Variants in PCSK7 observed in about 807,000 individuals in gnomAD.
PCSK7 encodes the protein lymphoma proprotein convertase.
A neutral mutation model predicts 73.3 loss-of-function variants in PCSK7; 38 were observed. The ratio of observed to expected loss-of-function variants is 0.52; its 90% CI spans 0.40 to 0.68. PCSK7 has a LOEUF of 0.68. PCSK7 is among the 30% of genes least tolerant of loss of function. The pLI, the probability that PCSK7 is intolerant of heterozygous loss-of-function variation, is 0.00. For missense variants in PCSK7, 692 were observed against 991.5 expected (o/e 0.70, Z 4.06); for synonymous variants, 296 against 383.8 (o/e 0.77, Z 2.68).
At chr11:117,215,370 G>GTATATA (rs2031922327) in intron 12 of PCSK7, 2 of 84,594 alleles carry the variant, frequency 2.4e-5, no homozygotes, top group South Asian at 6.5e-4. Flanking sequence ...TAATTTGTGT[G>GTATATA]TGTGTGTGTG....
rs2032416275 is a variant in PCSK7 at position 117,226,130 on chromosome 11, T to C, written c.770-109A>G. ...GACTTATTTTTCCCTACATGCTCTT[T>C]GTACATTTTGCTTTTTTTTTTTTTT... On this transcript the variant is annotated intron_variant, in intron 5 of 16. Transcript: ENST00000320934. 4.4e-6 allele frequency: 3 copies of C among 681,890 alleles called. No homozygotes were observed. In the East Asian group the frequency reaches 7.7e-5, roughly 17 times the overall value. The allele number at this position is 681,890 out of a possible 1,614,324, so 42.2% of individuals were successfully genotyped here. A position where few individuals can be genotyped will look rare whatever the true frequency, so the allele number is the denominator to read the frequency against.
In PCSK7 at chr11:117,223,228, C is replaced by T; in HGVS notation, c.1135G>A (p.Asp379Asn). 1.2e-6 allele frequency: 2 copies of T among 1,612,348 alleles called. No individual in the cohort carries two copies. Among genetic ancestry groups the T allele is most frequent in the South Asian group, 2.2e-5 (2 of 91,024 alleles). ...SMLAVTFSGG[D>N]KMLRSIVTTD... ...CTCACAATGCTCCGAAGCATCTTGT[C>T]CCCACCACTGAAGGTGACTGCCAGC... Residue 379 changes from aspartate to asparagine, a missense_variant, in exon 9 of 17, where the codon GAC becomes AAC. By Grantham distance (23) the Asp-to-Asn change is conservative (BLOSUM62 1). Coordinates refer to ENST00000320934, the MANE Select transcript of PCSK7 (RefSeq NM_004716.4).
chr11:117,206,924 CTG>C (rs1393214117), intron 15 of PCSK7, 126 bp from the exon 16 acceptor site: 2 of 951,348 alleles, frequency 2.1e-6, no homozygotes, highest in South Asian at 1.3e-5. Context: ...GAGGCCCAGA[CTG>C]TGAGTTCCCA....
chr11:117,218,241 T>C lies in PCSK7; in HGVS notation c.1534+225A>G. 1 of 172,796 alleles carries C rather than the reference T, an allele frequency of 5.8e-6. No individual in the cohort carries two copies. The highest frequency in any genetic ancestry group is 1.2e-5 in the Non-Finnish European group (1 of 81,128). 10.7% of individuals were successfully genotyped at this position (172,796 alleles called of 1,614,324 possible). The stretch of plus-strand genomic sequence containing the variant: ...TCCTCCTCAGTTGCTCTGCTGCTCC[T>C]TTTCACTACTAGGAACCCAGGAGAA... On this transcript the variant is annotated intron_variant, in intron 12 of 16. Coordinates refer to ENST00000320934, the MANE Select transcript of PCSK7 (RefSeq NM_004716.4). The surrounding 1 kb of genome is among the most constrained non-coding windows in gnomAD (Gnocchi z 4.0).
intron 7 of PCSK7, 134 bp downstream of exon 7, chr11:117,224,567 C>A: frequency 2.5e-6 from 2 of 786,860 alleles, no homozygotes; most frequent in Non-Finnish European, 2.3e-6. Context: ...CCTGCCCCGA[C>A]GTTAGGTGTT....
chr11:117,211,607 C>T lies in PCSK7; in HGVS notation c.1535-2554G>A, dbSNP rs976066772. The T allele has an allele frequency of 3.4e-4, 52 of 152,240 alleles. 1 individual carries two copies. The allele number at this position is 152,240 out of a possible 1,614,324, so 9.4% of individuals were successfully genotyped here. A position where few individuals can be genotyped will look rare whatever the true frequency, so the allele number is the denominator to read the frequency against. The stretch of plus-strand genomic sequence containing the variant: ...ATGTGTGTTTACATTCTCAAGCTCC[C>T]TTCACTTTCTTGTCCTTTCACAGCA... On this transcript the variant is annotated intron_variant, in intron 12 of 16. Transcript: ENST00000320934.
At chr11:117,211,255 C>G (rs190579666) in intron 12 of PCSK7, 1 of 152,262 alleles carries the variant, frequency 6.6e-6, no homozygotes, top group African/African-American at 2.4e-5. Context: ...GGATTACAGG[C>G]GCATGCCACC....
chr11:117,224,216 C>A lies in PCSK7; in HGVS notation c.916G>T (p.Ala306Ser). The stretch of plus-strand genomic sequence containing the variant: ...GCAATCACCCCATGTTGTAAGGCAG[C>A]CTGAGGAGCCAAAACATCAGGGTGT... ...TVDGPHQLGK[A>S]ALQHGVIAGR... The change falls in exon 8 of 17, where the codon GCT becomes TCT. Residue 306 changes from alanine to serine, a missense_variant and splice_region_variant. By Grantham distance (99) the Ala-to-Ser change is moderately conservative. This residue lies in a region of PCSK7 where 574 missense variants were observed against 689.8 expected (regional missense o/e 0.83). Coordinates refer to ENST00000320934, the MANE Select transcript of PCSK7 (RefSeq NM_004716.4). 6.2e-7 allele frequency: 1 copy of A among 1,614,048 alleles called. No homozygotes were observed. The highest frequency in any genetic ancestry group is 8.5e-7 in the Non-Finnish European group (1 of 1,179,934).
Position 117,228,343 on chromosome 11 carries a change from C to T in PCSK7, c.476G>A (p.Arg159Gln), listed in dbSNP as rs758403429. 26 of 1,613,964 alleles carry T rather than the reference C, an allele frequency of 1.6e-5. No individual in the cohort carries two copies. Among genetic ancestry groups the T allele is most frequent in the South Asian group, 5.5e-5 (5 of 91,062 alleles). ...GTTGATGTCCCTGCCCGGGCTCCGT[C>T]GGTTATTCTGTAAGAGAGACAGGAT... ...KYPQQWHLNN[R>Q]RSPGRDINVT... Residue 159 changes from arginine (R) to glutamine (Q), a missense_variant, in exon 4 of 17, where the codon CGA (arginine) becomes CAA (glutamine). Around this residue, in one of 6 missense-constraint regions of PCSK7, gnomAD observed 574 missense variants for 689.8 expected, o/e 0.83. Transcript: ENST00000320934.
intron 12 of PCSK7, chr11:117,213,976 T>TTTTTTTTTTTTTTTTTTTTG (rs36106425): frequency 1.1e-4 from 15 of 131,354 alleles, no homozygotes; most frequent in Admixed American, 1.6e-4. Flanking sequence ...TTTTTTTTTT[T>TTTTTTTTTTTTTTTTTTTTG]AGACGGAGTC....
At chr11:117,224,856 C>G (rs933275419) in intron 6 of PCSK7, 101 bp from the exon 7 acceptor site, 2 of 827,726 alleles carry the variant, frequency 2.4e-6, no homozygotes, top group African/African-American at 3.3e-5. Context: ...ACCTGCAGCT[C>G]TTAACTCCTC....
chr11:117,229,181 G>A (rs2032542659), intron 3 of PCSK7, among the ~76,000 whole-genome samples, 196 bp downstream of exon 3: 1 of 152,230 alleles, frequency 6.6e-6, no homozygotes, highest in Non-Finnish European at 1.5e-5. Flanking sequence ...CACCATCTGT[G>A]CCCTGAGCAC....
intron 12 of PCSK7, chr11:117,217,011 C>T (rs1406849837): frequency 2.0e-5 from 3 of 152,116 alleles, no homozygotes; most frequent in Admixed American, 1.3e-4. Flanking sequence ...CTTTTGCTTG[C>T]TGCCCTTCCA....
At chr11:117,223,526 A>G in intron 8 of PCSK7, 1 of 569,340 alleles carries the variant, frequency 1.8e-6, no homozygotes, top group Non-Finnish European at 3.1e-6. Context: ...CCATTCTTTC[A>G]GTAGGCTCTG....
chr11:117,220,345 C>T (rs1055545101), intron 9 of PCSK7: 8 of 152,530 alleles, frequency 5.2e-5, no homozygotes, highest in Non-Finnish European at 8.8e-5. Context: ...TGGGTTCCAG[C>T]GATCCTCCTG....
In PCSK7 at chr11:117,206,318, A is replaced by C. The variant is rs28590104; in HGVS notation, c.2037T>G (p.Thr679=). ...AATATACTTCCAGCATGTAGTAAAC[A>C]GTCCAGAAGACGGTGAAACAGCCTA... ...VLVGCFTVFW[T]VYYMLEVYLS... is the part of the protein sequence containing the mutation. The change falls in exon 17 of 17, where the codon ACT becomes ACG. Residue 679 remains threonine (T), a synonymous_variant. Coordinates refer to ENST00000320934, the MANE Select transcript of PCSK7 (RefSeq NM_004716.4). 1 of 1,216,380 alleles carries C rather than the reference A, an allele frequency of 8.2e-7. No homozygotes were observed. Among genetic ancestry groups the C allele is most frequent in the Non-Finnish European group, 1.2e-6 (1 of 830,554 alleles). 75.3% of individuals were successfully genotyped at this position (1,216,380 alleles called of 1,614,324 possible).
In PCSK7 at chr11:117,219,719, TGCAGCCAGTG is replaced by T. The variant is rs777959259; in HGVS notation, c.1185_1194del (p.Thr396LeufsTer17). On this transcript the variant is annotated frameshift_variant, in exon 10 of 17. Coordinates refer to ENST00000320934, the MANE Select transcript of PCSK7 (RefSeq NM_004716.4). LOFTEE classifies it high-confidence loss of function. The stretch of plus-strand genomic sequence containing the variant: ...GCTGAGGTCCCTGTGTGGCCCTCAG[TGCAGCCAGTG>T]CCCTTCTGAAGGTCCCAGTCAGTGG... 6.3e-7 allele frequency: 1 copy of T among 1,598,570 alleles called. No individual in the cohort carries two copies. Among genetic ancestry groups the T allele is most frequent in the East Asian group, 2.3e-5 (1 of 44,306 alleles).
At chr11:117,224,568 G>A (rs942110021) in intron 7 of PCSK7, 133 bp downstream of exon 7, 15 of 793,276 alleles carry the variant, frequency 1.9e-5, no homozygotes, top group East Asian at 7.3e-5. Context: ...CTGCCCCGAC[G>A]TTAGGTGTTC....
intron 12 of PCSK7, chr11:117,215,380 G>GTGTGTGTGTGTGTGTGTATATATATA (rs1164738557): frequency 1.8e-5 from 1 of 55,894 alleles, no homozygotes; most frequent in African/African-American, 1.2e-4. Flanking sequence ...GTGTGTGTGT[G>GTGTGTGTGTGTGTGTGTATATATATA]TATATATATA....
Sources: allele counts gnomAD v4.1 joint callset (sites outside exome capture counted in the v4.1 genomes callset), GRCh38; gene constraint gnomAD v4.1.1; regional missense constraint gnomAD v4.1.1; non-coding constraint Gnocchi (gnomAD v3.1); transcripts MANE v1.5; gene names NCBI Gene and HGNC (gene_info 2026-07-23, HGNC 2026-07-21).